Variants in MOXD1 observed in about 807,000 individuals in gnomAD.
The protein encoded by MOXD1 is DBH-like monooxygenase protein 1.
MOXD1 carries 62 observed loss-of-function variants against 66.6 expected under a neutral mutation model. That is an observed-to-expected ratio of 0.93 (90% CI 0.76 to 1.15). The LOEUF is 1.15. MOXD1 is among the 50% of genes most tolerant of loss of function. The pLI is 0.00. For missense variants in MOXD1, 847 were observed against 754.6 expected, an observed-to-expected ratio of 1.12 and a Z score of -1.44; for synonymous variants, 303 against 281.9, an observed-to-expected ratio of 1.07 and a Z score of -0.75.
chr6:132,307,146 T>C (rs1251473004), intron 10 of MOXD1, among the ~76,000 whole-genome samples: 2 of 151,700 alleles, frequency 1.3e-5, no homozygotes, highest in Non-Finnish European at 2.9e-5. Context: ...GAGACACACA[T>C]AGGCTCAAAA....
intron 1 of MOXD1, among the ~76,000 whole-genome samples, chr6:132,398,802 G>A (rs941816109): frequency 1.3e-5 from 2 of 151,856 alleles, no homozygotes; most frequent in African/African-American, 4.8e-5. Flanking sequence ...AGCCTGGCAT[G>A]GTGACAGGCG....
rs1774615971 is a variant in MOXD1 at position 132,303,827 on chromosome 6, GTGTGTGTGTATATATATATATATATA to G, written c.1509-5898_1509-5873del. ...CACACATGTGTGTGTGTGTGTGTGT[GTGTGTGTGTATATATATATATATATA>G]TATATATATATATATATATATATAT... is the stretch of plus-strand genomic sequence containing the variant. On this transcript the variant is annotated intron_variant, in intron 10 of 11. Coordinates refer to ENST00000367963, the MANE Select transcript of MOXD1 (RefSeq NM_015529.4). 1.3e-4 allele frequency among the ~76,000 whole-genome samples: 13 copies of G among 99,178 alleles called. No individual in the cohort carries two copies. The South Asian group carries it at 2.6e-3, about 20-fold the overall frequency. The allele number at this position is 99,178 out of a possible 152,430, so 65.1% of individuals were successfully genotyped here. A position where few individuals can be genotyped will look rare whatever the true frequency, so the allele number is the denominator to read the frequency against.
chr6:132,315,574 C>A, intron 10 of MOXD1, 61 bp downstream of exon 10: 5 of 1,518,934 alleles, frequency 3.3e-6, no homozygotes, highest in African/African-American at 1.4e-5. Context: ...TCCAGTATGA[C>A]AATAAAGCCC....
chr6:132,333,928 C>T (rs909109229), intron 4 of MOXD1, among the ~76,000 whole-genome samples: 2 of 152,288 alleles, frequency 1.3e-5, no homozygotes, highest in South Asian at 4.1e-4. Flanking sequence ...TCCATTAGAT[C>T]AAGTAACGGG....
intron 4 of MOXD1, among the ~76,000 whole-genome samples, chr6:132,333,692 C>T (rs11968833): frequency 0.25 from 37,604 of 152,068 alleles, 5,025 homozygotes; most frequent in African/African-American, 0.35. Flanking sequence ...CTGATGACAT[C>T]AAACTATGTT....
intron 1 of MOXD1, among the ~76,000 whole-genome samples, chr6:132,378,630 G>C (rs1330685367): frequency 6.6e-6 from 1 of 152,080 alleles, no homozygotes; most frequent in East Asian, 1.9e-4. Context: ...TGCTTACCTT[G>C]AAGCCAAATA....
At chr6:132,400,414 T>C (rs1055715831) in intron 1 of MOXD1, among the ~76,000 whole-genome samples, 1 of 145,562 alleles carries the variant, frequency 6.9e-6, no homozygotes, top group Non-Finnish European at 1.5e-5. Context: ...TTCTTCTTCC[T>C]TTTTTTTTTT....
Position 132,303,833 on chromosome 6 carries a change from GTGTATATA to G in MOXD1, c.1509-5886_1509-5879del, listed in dbSNP as rs1180177963. ...TGTGTGTGTGTGTGTGTGTGTGTGT[GTGTATATA>G]TATATATATATATATATATATATAT... On this transcript the variant is annotated intron_variant, in intron 10 of 11. Coordinates refer to ENST00000367963, the MANE Select transcript of MOXD1 (RefSeq NM_015529.4). Among the ~76,000 whole-genome samples the G allele has an allele frequency of 8.4e-3, 504 of 59,846 alleles. 3 individuals carry two copies. The highest frequency in any genetic ancestry group is 0.023 in the African/African-American group (348 of 15,328). 39.3% of individuals were successfully genotyped at this position (59,846 alleles called of 152,430 possible).
At position 132,315,724 on chromosome 6, in the gene MOXD1, T is replaced by A. The variant is rs773885260; in HGVS notation, c.1419A>T (p.Pro473=). ...TTGCACATCGAGTAAGATTAATTCT[T>A]GGGTAATAAAGAAGGTATGAGAGAC... ...EMCLSYLLYY[P]RINLTRCASI... Residue 473 remains proline (P), a synonymous_variant, in exon 10 of 12, where the codon CCA becomes CCT. Coordinates refer to ENST00000367963, the MANE Select transcript of MOXD1 (RefSeq NM_015529.4). The A allele has an allele frequency of 3.7e-6, 6 of 1,613,410 alleles. No homozygotes were observed. In the African/African-American group the frequency reaches 8.0e-5, roughly 22 times the overall value.
intron 4 of MOXD1, among the ~76,000 whole-genome samples, chr6:132,347,993 GC>G (rs928244943): frequency 2.6e-4 from 40 of 151,896 alleles, no homozygotes; most frequent in African/African-American, 9.2e-4. Context: ...CTAAACTCAG[GC>G]TATGGCTGCA....
chr6:132,401,233 G>A lies in MOXD1; in HGVS notation c.194C>T (p.Ser65Leu). The change falls in exon 1 of 12, where the codon TCG becomes TTG. Residue 65 changes from serine to leucine, a missense_variant. Transcript: ENST00000367963. The part of the protein sequence containing the change: ...RTAGYVGFGF[S>L]PTGAMASADI... ...GGCGGACGCCATGGCCCCGGTGGGCGAGAAGCCGAAGCCCACGTAGCCTGC... is the reference window on the plus strand; with the variant it reads ...GGCGGACGCCATGGCCCCGGTGGGCAAGAAGCCGAAGCCCACGTAGCCTGC... The A allele has an allele frequency of 6.3e-7, 1 of 1,584,768 alleles. No individual in the cohort carries two copies. The highest frequency in any genetic ancestry group is 1.7e-5 in the Admixed American group (1 of 58,648).
At chr6:132,346,173 G>A (rs974745644) in intron 4 of MOXD1, among the ~76,000 whole-genome samples, 1 of 151,654 alleles carries the variant, frequency 6.6e-6, no homozygotes, top group African/African-American at 2.4e-5. Context: ...GCCCAAATTA[G>A]AAGAAAGAAA....
intron 10 of MOXD1, among the ~76,000 whole-genome samples, chr6:132,301,347 T>C (rs1774532726): frequency 6.6e-6 from 1 of 152,046 alleles, no homozygotes; most frequent in Non-Finnish European, 1.5e-5. Flanking sequence ...TTGACTGCAA[T>C]ACACCATGGT....
chr6:132,328,575 C>G lies in MOXD1; in HGVS notation c.683G>C (p.Arg228Thr). Residue 228 changes from arginine (R) to threonine (T), a missense_variant, in exon 5 of 12, where the codon AGA becomes ACA. Physicochemically the swap from Arg to Thr is moderately conservative, Grantham distance 71 (BLOSUM62 -1). Transcript: ENST00000367963. ...GTGGTGCACCAGACTCTCATGGCCTCTCTGTATCACTGGCTCAACCTACAC... is the reference window on the plus strand; with the variant it reads ...GTGGTGCACCAGACTCTCATGGCCTGTCTGTATCACTGGCTCAACCTACAC... The part of the protein sequence containing the change: ...HVIKVEPVIQ[R>T]GHESLVHHIL... 1.2e-6 allele frequency: 2 copies of G among 1,613,776 alleles called. No homozygotes were observed. The highest frequency in any genetic ancestry group is 1.7e-6 in the Non-Finnish European group (2 of 1,179,792).
chr6:132,320,576 T>C, intron 9 of MOXD1, 53 bp downstream of exon 9: 1 of 1,433,756 alleles, frequency 7.0e-7, no homozygotes, highest in East Asian at 2.4e-5. Flanking sequence ...TAAAATCAAG[T>C]TTATTTCTTT....
At chr6:132,305,833 AG>A (rs1774675938) in intron 10 of MOXD1, among the ~76,000 whole-genome samples, 1 of 152,210 alleles carries the variant, frequency 6.6e-6, no homozygotes, top group South Asian at 2.1e-4. Flanking sequence ...CAACAAAAAA[AG>A]CACTCACAAA....
chr6:132,384,282 CT>C (rs1369276359), intron 1 of MOXD1, among the ~76,000 whole-genome samples: 7 of 78,654 alleles, frequency 8.9e-5, no homozygotes, highest in East Asian at 8.6e-4. Flanking sequence ...TCCTTCCTTC[CT>C]TCCTTCCTCC....
chr6:132,392,059 T>C (rs1319918693), intron 1 of MOXD1: 1 of 907,226 alleles, frequency 1.1e-6, no homozygotes, highest in Non-Finnish European at 1.6e-6. Flanking sequence ...TGTGTCAGGG[T>C]TGCACACTCT....
chr6:132,401,178 C>T lies in MOXD1; in HGVS notation c.249G>A (p.Gly83=). 6.5e-7 allele frequency: 1 copy of T among 1,532,116 alleles called. No individual in the cohort carries two copies. The highest frequency in any genetic ancestry group is 8.7e-7 in the Non-Finnish European group (1 of 1,146,474). 94.9% of individuals were successfully genotyped at this position (1,532,116 alleles called of 1,614,324 possible). ...ACGCGCTTACCTGGAGGTAGGGCCG[C>T]CCGTGGGCCACCCCGCCCACGACGA... is the stretch of plus-strand genomic sequence containing the variant. ...ADIVVGGVAH[G]RPYLQDYFTN... Residue 83 remains glycine, a synonymous_variant, in exon 1 of 12, where the codon GGG becomes GGA. Coordinates refer to ENST00000367963, the MANE Select transcript of MOXD1 (RefSeq NM_015529.4).
Sources: gnomAD v4.1 joint callset for allele counts (sites outside exome capture counted in the v4.1 genomes callset) on GRCh38, gnomAD v4.1.1 for gene constraint, MANE v1.5 for transcripts, NCBI Gene and HGNC (gene_info 2026-07-23, HGNC 2026-07-21) for gene names.